Variants in KPNA3 observed in about 807,000 individuals in gnomAD.
KPNA3 encodes importin subunit alpha-4.
KPNA3 carries 13 observed loss-of-function variants against 73.8 expected under a neutral mutation model. The ratio of observed to expected loss-of-function variants is 0.18; its 90% confidence interval spans 0.11 to 0.28. KPNA3 has a LOEUF of 0.28. Among genes scored for constraint, KPNA3 ranks in the 10% least tolerant of loss-of-function variants. KPNA3 has a pLI of 1.00. For missense variants in KPNA3, 360 were observed against 618.1 expected (o/e 0.58, Z 4.43); for synonymous variants, 186 against 206.9 (o/e 0.90, Z 0.87).
intron 12 of KPNA3, among the ~76,000 whole-genome samples, chr13:49,708,277 G>A (rs76895291): frequency 6.6e-6 from 1 of 152,070 alleles, no homozygotes; most frequent in African/African-American, 2.4e-5. Context: ...TTACAGGCAT[G>A]AGCCACCATG....
At chr13:49,738,610 T>C (rs183667214) in intron 2 of KPNA3, among the ~76,000 whole-genome samples, 12 of 152,340 alleles carry the variant, frequency 7.9e-5, no homozygotes, top group Non-Finnish European at 1.5e-5. Flanking sequence ...TTTCTTTGAA[T>C]TGTCTAAAAA....
chr13:49,761,115 C>A (rs1594454112), intron 1 of KPNA3, among the ~76,000 whole-genome samples: 2 of 152,208 alleles, frequency 1.3e-5, no homozygotes, highest in Admixed American at 1.3e-4. Flanking sequence ...GTCACCTGTT[C>A]TACAACAACT....
intron 1 of KPNA3, among the ~76,000 whole-genome samples, chr13:49,780,789 C>T (rs1180767292): frequency 6.7e-6 from 1 of 149,040 alleles, no homozygotes; most frequent in Non-Finnish European, 1.5e-5. Context: ...GGTGCAATCT[C>T]GGCTCACTGC....
chr13:49,710,962 G>GT lies in KPNA3; in HGVS notation c.831dup (p.Gln278ThrfsTer5), dbSNP rs762084230. The GT allele has an allele frequency of 6.2e-7, 1 of 1,613,300 alleles. No homozygotes were observed. The highest frequency in any genetic ancestry group is 8.5e-7 in the Non-Finnish European group (1 of 1,179,326). On this transcript the variant is annotated frameshift_variant, in exon 11 of 17. Coordinates refer to ENST00000261667, the MANE Select transcript of KPNA3 (RefSeq NM_002267.4). LOFTEE classifies it high-confidence loss of function. ...ACAACTCCTGAATCAATAACCATCT[G>GT]TATCTGTTCATTACCTCCATCTGTC... is the stretch of plus-strand genomic sequence containing the variant.
At chr13:49,735,589 C>T (rs1566344510) in intron 2 of KPNA3, among the ~76,000 whole-genome samples, 1 of 152,028 alleles carries the variant, frequency 6.6e-6, no homozygotes, top group Non-Finnish European at 1.5e-5. Context: ...ATTCAGCATC[C>T]GTAAAGGGTA....
chr13:49,768,465 T>C (rs1331566116), intron 1 of KPNA3, among the ~76,000 whole-genome samples: 4 of 152,094 alleles, frequency 2.6e-5, no homozygotes, highest in Non-Finnish European at 4.4e-5. Flanking sequence ...TAATGACTGA[T>C]ATTGTTGAAA....
At chr13:49,759,306 G>A (rs1954738250) in intron 1 of KPNA3, among the ~76,000 whole-genome samples, 1 of 152,162 alleles carries the variant, frequency 6.6e-6, no homozygotes. Context: ...ATTAATAAAT[G>A]AGAGGAAGGT....
At chr13:49,761,772 G>C (rs1024148307) in intron 1 of KPNA3, among the ~76,000 whole-genome samples, 44 of 151,964 alleles carry the variant, frequency 2.9e-4, no homozygotes, top group African/African-American at 1.1e-3. Context: ...CTTCCCGGCT[G>C]CCATCCCGTC....
rs1955044286 is a variant in KPNA3, at chr13:49,792,523, G to GGCGGCGGCTACTCCT, written c.-32_-18dup. 1.3e-6 allele frequency: 2 copies of GGCGGCGGCTACTCCT among 1,567,706 alleles called. No individual in the cohort carries two copies. The highest frequency in any genetic ancestry group is 1.4e-5 in the African/African-American group (1 of 69,356). On this transcript the variant is annotated 5_prime_UTR_variant, in exon 1 of 17. Transcript: ENST00000261667. ...CTCGGCCATGGCTGCGCGCGGCTCC[G>GGCGGCGGCTACTCCT]GCGGCGGCTACTCCTGCGGCTGCGG...
intron 1 of KPNA3, among the ~76,000 whole-genome samples, chr13:49,768,462 T>C (rs544214716): frequency 3.3e-5 from 5 of 152,106 alleles, no homozygotes; most frequent in African/African-American, 4.8e-5. Flanking sequence ...TCATAATGAC[T>C]GATATTGTTG....
At chr13:49,750,586 G>C (rs1396956750) in intron 1 of KPNA3, among the ~76,000 whole-genome samples, 1 of 152,008 alleles carries the variant, frequency 6.6e-6, no homozygotes, top group Non-Finnish European at 1.5e-5. Context: ...GAGCCATGAT[G>C]GTGCCACTGC....
intron 1 of KPNA3, among the ~76,000 whole-genome samples, chr13:49,758,197 T>C (rs557084309): frequency 4.2e-4 from 64 of 152,114 alleles, no homozygotes; most frequent in African/African-American, 1.4e-3. Context: ...ACAGATCACA[T>C]ACAATGATTA....
intron 15 of KPNA3, among the ~76,000 whole-genome samples, chr13:49,703,825 G>A (rs576878127): frequency 1.3e-5 from 2 of 152,066 alleles, no homozygotes; most frequent in East Asian, 3.9e-4. Context: ...TAAAATAGTT[G>A]CAATTTTTTC....
chr13:49,784,994 G>T (rs1954970388), intron 1 of KPNA3, among the ~76,000 whole-genome samples: 1 of 152,158 alleles, frequency 6.6e-6, no homozygotes, highest in African/African-American at 2.4e-5. Context: ...TTTAAAAGTG[G>T]TAGGAATTAG....
At chr13:49,769,346 C>T (rs977956266) in intron 1 of KPNA3, among the ~76,000 whole-genome samples, 2 of 152,184 alleles carry the variant, frequency 1.3e-5, no homozygotes, top group Admixed American at 6.5e-5. Context: ...TCCGTGGTTT[C>T]TAGTACAGAG....
intron 1 of KPNA3, among the ~76,000 whole-genome samples, chr13:49,780,507 T>C (rs545958077): frequency 1.3e-5 from 2 of 152,196 alleles, no homozygotes; most frequent in African/African-American, 4.8e-5. Context: ...AAACTCCCCA[T>C]CTGAGACCTT....
At chr13:49,733,944 G>T (rs915097090) in intron 2 of KPNA3, among the ~76,000 whole-genome samples, 3 of 152,136 alleles carry the variant, frequency 2.0e-5, no homozygotes, top group Non-Finnish European at 4.4e-5. Context: ...AGTTGAACTG[G>T]CCTGTGCCAG....
At chr13:49,758,863 G>A (rs1439502654) in intron 1 of KPNA3, among the ~76,000 whole-genome samples, 1 of 152,036 alleles carries the variant, frequency 6.6e-6, no homozygotes, top group Non-Finnish European at 1.5e-5. Flanking sequence ...CCAACGCCTA[G>A]AAACAGTGAC....
At chr13:49,760,766 T>C (rs1954752271) in intron 1 of KPNA3, among the ~76,000 whole-genome samples, 1 of 152,152 alleles carries the variant, frequency 6.6e-6, no homozygotes, top group South Asian at 2.1e-4. Context: ...TGTGAGGGTA[T>C]TTCCTGAAGA....
Sources: allele counts gnomAD v4.1 joint callset (sites outside exome capture counted in the v4.1 genomes callset), GRCh38; gene constraint gnomAD v4.1.1; transcripts MANE v1.5; gene names NCBI Gene and HGNC (gene_info 2026-07-23, HGNC 2026-07-21).